Variants in TRPV3 observed in about 807,000 individuals in gnomAD.
TRPV3 encodes the protein transient receptor potential cation channel subfamily V member 3.
In TRPV3, 88 loss-of-function variants were observed where a neutral mutation model predicts 87.1. That is an observed-to-expected ratio of 1.01 (90% CI 0.85 to 1.21). TRPV3 has a LOEUF of 1.21. Among genes scored for constraint, TRPV3 ranks in the 50% most tolerant of loss-of-function variants. The pLI is 0.00. For missense variants in TRPV3, 1,054 were observed against 1,030.1 expected (o/e 1.02, Z -0.32); for synonymous variants, 438 against 423.3 (o/e 1.03, Z -0.43).
intron 9 of TRPV3, 38 bp downstream of exon 9, chr17:3,529,989 C>T (rs530289825): frequency 6.3e-7 from 1 of 1,590,016 alleles, no homozygotes; most frequent in Admixed American, 1.7e-5. Context: ...GTCCAGCCCT[C>T]TTCTCCCTGC....
Position 3,516,487 on chromosome 17 carries a change from A to T in TRPV3, c.2168T>A (p.Val723Glu). 6.2e-7 allele frequency: 1 copy of T among 1,614,020 alleles called. No homozygotes were observed. The highest frequency in any genetic ancestry group is 1.1e-5 in the South Asian group (1 of 91,068). ...ACACAGTCGGAAATCATCCTCGGCC[A>T]CTTTGCACAGCTCTCCCATCCGGAA... ...SRFRMGELCK[V>E]AEDDFRLCLR... Residue 723 changes from valine (V) to glutamate (E), a missense_variant, in exon 16 of 18, where the codon GTG becomes GAG. Coordinates refer to ENST00000576742, the MANE Select transcript of TRPV3 (RefSeq NM_145068.4).
At position 3,542,691 on chromosome 17, in the gene TRPV3, G is replaced by A; in HGVS notation, c.474C>T (p.Leu158=). The change falls in exon 6 of 18, where the codon CTC becomes CTT. Residue 158 remains leucine (L), a synonymous_variant. Coordinates refer to ENST00000576742, the MANE Select transcript of TRPV3 (RefSeq NM_145068.4). ...TGTCGGAGGCCGTCAGCTTGTGCATGAGGAAGTCTGCAGGCAGGGCCATGG... is the reference window on the plus strand; with the variant it reads ...TGTCGGAGGCCGTCAGCTTGTGCATAAGGAAGTCTGCAGGCAGGGCCATGG... ...RRHDEDVPDF[L]MHKLTASDTG... The A allele has an allele frequency of 6.2e-7, 1 of 1,613,546 alleles. No homozygotes were observed. Among genetic ancestry groups the A allele is most frequent in the Non-Finnish European group, 8.5e-7 (1 of 1,179,722 alleles).
intron 2 of TRPV3, chr17:3,546,701 G>A (rs2074529283): frequency 2.2e-6 from 1 of 455,096 alleles, no homozygotes; most frequent in Admixed American, 2.4e-5. Flanking sequence ...GGCTAGGCCA[G>A]GTGTGGTGGC....
At chr17:3,519,623 TGG>T in intron 14 of TRPV3, among the ~76,000 whole-genome samples, 1 of 146,870 alleles carries the variant, frequency 6.8e-6, no homozygotes, top group African/African-American at 2.5e-5. Flanking sequence ...GATGGATGGA[TGG>T]ATGGATGATT....
intron 4 of TRPV3, among the ~76,000 whole-genome samples, chr17:3,544,195 G>A (rs1973369): frequency 0.17 from 24,938 of 149,156 alleles, 2,652 homozygotes; most frequent in East Asian, 0.35. Flanking sequence ...TTTTAGTAGA[G>A]ACGGGGTTTC....
intron 7 of TRPV3, among the ~76,000 whole-genome samples, chr17:3,534,573 G>A (rs1449816594): frequency 6.6e-6 from 1 of 152,030 alleles, no homozygotes; most frequent in Non-Finnish European, 1.5e-5. Context: ...CCAACTCGAC[G>A]CACTGTGAAA....
Position 3,548,629 on chromosome 17 carries a change from G to A in TRPV3, c.120-3358C>T, listed in dbSNP as rs574424782. ...TAATCCAGAAATGGGGATACATGGG[G>A]TGGAGGGCAGTACTGGCTGCCAGTC... On this transcript the variant is annotated intron_variant, in intron 2 of 17. Transcript: ENST00000576742. Among the ~76,000 whole-genome samples the A allele has an allele frequency of 3.3e-5, 5 of 152,352 alleles. No homozygotes were observed. The South Asian group carries it at 1.0e-3, about 32-fold the overall frequency.
intron 12 of TRPV3, among the ~76,000 whole-genome samples, chr17:3,524,808 CAAA>C (rs56919647): frequency 4.9e-5 from 4 of 81,850 alleles, no homozygotes; most frequent in Admixed American, 1.3e-4. Context: ...CTTGTCTCTA[CAAA>C]AAAAAAAAAA....
At chr17:3,527,403 C>T (rs768545230) in intron 11 of TRPV3, among the ~76,000 whole-genome samples, 8 of 152,208 alleles carry the variant, frequency 5.3e-5, no homozygotes, top group Non-Finnish European at 7.3e-5. Flanking sequence ...CCTCTGAACA[C>T]TGATCTGAAC....
intron 7 of TRPV3, among the ~76,000 whole-genome samples, chr17:3,535,199 TCC>T (rs2074390422): frequency 2.9e-4 from 12 of 41,590 alleles, no homozygotes; most frequent in East Asian, 1.5e-3. Context: ...TCCCTCTCCC[TCC>T]TCCTTCTCCC....
intron 6 of TRPV3, among the ~76,000 whole-genome samples, chr17:3,541,645 AATG>A (rs761243982): frequency 1.3e-5 from 2 of 149,504 alleles, no homozygotes; most frequent in African/African-American, 2.6e-5. Context: ...GGGGACAGTT[AATG>A]ATGATGATGA....
chr17:3,521,828 C>T (rs2150783063), intron 13 of TRPV3, among the ~76,000 whole-genome samples: 1 of 152,278 alleles, frequency 6.6e-6, no homozygotes, highest in East Asian at 1.9e-4. Context: ...GTAATCCCAA[C>T]ACTTTGAGAG....
At chr17:3,531,565 A>C (rs1179876842) in intron 8 of TRPV3, among the ~76,000 whole-genome samples, 1 of 152,136 alleles carries the variant, frequency 6.6e-6, no homozygotes, top group Non-Finnish European at 1.5e-5. Context: ...ACTGTCCCCT[A>C]GAAAACAAGG....
At chr17:3,535,530 C>A in intron 7 of TRPV3, 43 bp downstream of exon 7, 1 of 1,528,880 alleles carries the variant, frequency 6.5e-7, no homozygotes, top group Non-Finnish European at 8.8e-7. Context: ...CGTCTCCCTC[C>A]TCCCTCCTCC....
chr17:3,528,206 C>T lies in TRPV3; in HGVS notation c.1402-80G>A. On this transcript the variant is annotated intron_variant, in intron 10 of 17. Coordinates refer to ENST00000576742, the MANE Select transcript of TRPV3 (RefSeq NM_145068.4). The surrounding 1 kb of genome is among the most constrained non-coding windows in gnomAD (Gnocchi z 4.2). ...CACCAACTCTAGAGGGACCAAAACC[C>T]AGGTGAAACACTCAAGCCGGGCCAG... 9.5e-7 allele frequency: 1 copy of T among 1,048,402 alleles called. No individual in the cohort carries two copies. The highest frequency in any genetic ancestry group is 2.5e-5 in the Admixed American group (1 of 39,474). The allele number at this position is 1,048,402 out of a possible 1,614,324, so 64.9% of individuals were successfully genotyped here. A position where few individuals can be genotyped will look rare whatever the true frequency, so the allele number is the denominator to read the frequency against.
intron 12 of TRPV3, 73 bp downstream of exon 12, chr17:3,526,781 C>T (rs903911998): frequency 2.3e-5 from 28 of 1,214,134 alleles, no homozygotes; most frequent in Admixed American, 7.8e-5. Context: ...GTTCAAGAGG[C>T]GGACACGGCA....
intron 6 of TRPV3, among the ~76,000 whole-genome samples, chr17:3,537,708 A>G (rs1280462469): frequency 2.6e-5 from 4 of 151,556 alleles, no homozygotes; most frequent in Admixed American, 2.0e-4. Flanking sequence ...GTTCGAGACC[A>G]GCCTGGCCCA....
rs113404184 is a variant in TRPV3, at chr17:3,524,179, G to A, written c.1743+19C>T. The A allele has an allele frequency of 1.2e-3, 2,000 of 1,610,470 alleles. 28 individuals are homozygous for A. The African/African-American group carries it at 0.021, about 17-fold the overall frequency. ...GCCATCCTCCGAGGGCCCTCCCGCC[G>A]GCGCAGCTCTCAACGCACCTTCTGG... is the stretch of plus-strand genomic sequence containing the variant. On this transcript the variant is annotated intron_variant, in intron 13 of 17. Transcript: ENST00000576742.
At chr17:3,535,254 T>TCTC (rs139496060) in intron 7 of TRPV3, among the ~76,000 whole-genome samples, 5 of 26,430 alleles carry the variant, frequency 1.9e-4, no homozygotes, top group Admixed American at 4.7e-4. Flanking sequence ...CCCTCCTTAC[T>TCTC]CCTCCTCCCT....
Sources: gnomAD v4.1 joint callset for allele counts (sites outside exome capture counted in the v4.1 genomes callset) on GRCh38, gnomAD v4.1.1 for gene constraint, Gnocchi (gnomAD v3.1) non-coding constraint, MANE v1.5 for transcripts, NCBI Gene and HGNC (gene_info 2026-07-23, HGNC 2026-07-21) for gene names.